Variants in ANK3 observed in about 807,000 individuals in gnomAD.
ANK3 encodes the protein ankyrin-3.
ANK3 carries 57 observed loss-of-function variants against 370.9 expected under a neutral mutation model. That is an observed-to-expected ratio of 0.15 (90% CI 0.12 to 0.19). The LOEUF (loss-of-function observed/expected upper bound fraction) is 0.19. ANK3 is among the 10% of genes least tolerant of loss of function. The pLI is 1.00. For missense variants in ANK3, 4,439 were observed against 5,302.1 expected (o/e 0.84, Z 5.06); for synonymous variants, 1,929 against 1,946.3 (o/e 0.99, Z 0.23).
chr10:60,572,592 C>T (rs1212366571), intron 2 of ANK3: 1 of 1,522,988 alleles, frequency 6.6e-7, no homozygotes, highest in African/African-American at 1.4e-5. Context: ...CATCCAAAAC[C>T]ACGGCAAAGA....
intron 1 of ANK3, among the ~76,000 whole-genome samples, chr10:60,618,257 T>A (rs969625751): frequency 6.6e-6 from 1 of 152,146 alleles, no homozygotes; most frequent in African/African-American, 2.4e-5. Context: ...TTGTCCAAAA[T>A]TTATATATAG....
intron 2 of ANK3, among the ~76,000 whole-genome samples, chr10:60,497,891 T>G (rs189481744): frequency 3.2e-4 from 48 of 152,130 alleles, no homozygotes; most frequent in Middle Eastern, 3.4e-3. Flanking sequence ...CCCACAAAAT[T>G]TCATTTTACC....
intron 1 of ANK3, among the ~76,000 whole-genome samples, chr10:60,325,338 G>T (rs957440432): frequency 1.3e-5 from 2 of 152,158 alleles, no homozygotes; most frequent in Non-Finnish European, 2.9e-5. Flanking sequence ...TCTGCAGTTA[G>T]CAGGAGACAA....
At position 60,071,064 on chromosome 10, in the gene ANK3, AATG is replaced by A. The variant is rs1338811756; in HGVS notation, c.9814_9816del (p.His3272del). The A allele has an allele frequency of 6.2e-7, 1 of 1,614,030 alleles. No individual in the cohort carries two copies. The highest frequency in any genetic ancestry group is 8.5e-7 in the Non-Finnish European group (1 of 1,180,022). ...ATGTCAACCTCTTTTTCTGGGAGAT[AATG>A]ATGCTTCTTATCTGACTCAATCTGG... On this transcript the variant is annotated inframe_deletion, in exon 37 of 44. Transcript: ENST00000280772.
At chr10:60,116,375 T>C (rs758343425) in intron 25 of ANK3, among the ~76,000 whole-genome samples, 1 of 152,058 alleles carries the variant, frequency 6.6e-6, no homozygotes, top group African/African-American at 2.4e-5. Flanking sequence ...CTCTACACCA[T>C]ACAGAGAGCT....
chr10:60,545,441 G>A (rs921891931), intron 2 of ANK3, among the ~76,000 whole-genome samples: 7 of 148,320 alleles, frequency 4.7e-5, no homozygotes, highest in Non-Finnish European at 4.5e-5. Context: ...CTAATCAAAT[G>A]AAAAAAAAAA....
chr10:60,124,638 C>T (rs192504184), intron 25 of ANK3, among the ~76,000 whole-genome samples: 1 of 152,294 alleles, frequency 6.6e-6, no homozygotes, highest in East Asian at 1.9e-4. Context: ...TTTTGCTTTG[C>T]AAAATACTTG....
At chr10:60,628,031 T>C (rs1039337250) in intron 1 of ANK3, among the ~76,000 whole-genome samples, 3 of 152,134 alleles carry the variant, frequency 2.0e-5, no homozygotes, top group Non-Finnish European at 4.4e-5. Flanking sequence ...AGATATCCTG[T>C]GACAGAGAAA....
intron 2 of ANK3, among the ~76,000 whole-genome samples, chr10:60,505,564 G>A (rs1455514962): frequency 1.3e-5 from 2 of 152,050 alleles, no homozygotes; most frequent in Admixed American, 6.6e-5. Flanking sequence ...AGTTCTTCCT[G>A]ATCAAGATTC....
chr10:60,264,414 G>A (rs1425390764), intron 5 of ANK3, among the ~76,000 whole-genome samples: 3 of 152,260 alleles, frequency 2.0e-5, no homozygotes, highest in African/African-American at 7.2e-5. Context: ...GGGAGGCAGA[G>A]GCGGCCAGAT....
At chr10:60,312,587 C>T (rs191840692) in intron 1 of ANK3, among the ~76,000 whole-genome samples, 1 of 152,204 alleles carries the variant, frequency 6.6e-6, no homozygotes, top group East Asian at 1.9e-4. Flanking sequence ...TAGATGGGAC[C>T]TCATAGTCAG....
chr10:60,207,713 T>C (rs1234229110), intron 10 of ANK3, among the ~76,000 whole-genome samples: 1 of 152,212 alleles, frequency 6.6e-6, no homozygotes, highest in Non-Finnish European at 1.5e-5. Flanking sequence ...AGAATAAACT[T>C]TTAATTCACA....
At chr10:60,153,559 G>C (rs1223899582) in intron 23 of ANK3, among the ~76,000 whole-genome samples, 1 of 152,284 alleles carries the variant, frequency 6.6e-6, no homozygotes, top group African/African-American at 2.4e-5. Flanking sequence ...CTATTTTCAA[G>C]GGGTATGTTT....
chr10:60,308,239 G>A (rs981090537), intron 1 of ANK3, among the ~76,000 whole-genome samples: 1 of 147,180 alleles, frequency 6.8e-6, no homozygotes, highest in African/African-American at 2.5e-5. Flanking sequence ...AAGGATAAAA[G>A]AAAAGTTTAG....
At chr10:60,592,097 T>C (rs1196955746) in intron 2 of ANK3, among the ~76,000 whole-genome samples, 2 of 152,166 alleles carry the variant, frequency 1.3e-5, no homozygotes, top group Non-Finnish European at 2.9e-5. Flanking sequence ...TTTGTAACTC[T>C]AAGGATAAAT....
chr10:60,248,156 C>G (rs556047030), intron 7 of ANK3, among the ~76,000 whole-genome samples: 4 of 152,314 alleles, frequency 2.6e-5, no homozygotes, highest in African/African-American at 9.6e-5. Context: ...ACAAATACCT[C>G]TTGAGAACCT....
chr10:60,717,633 T>G (rs777160177), intron 1 of ANK3, among the ~76,000 whole-genome samples: 1 of 152,232 alleles, frequency 6.6e-6, no homozygotes, highest in Non-Finnish European at 1.5e-5. Context: ...TAATAATATT[T>G]ATTATGCCCA....
intron 8 of ANK3, among the ~76,000 whole-genome samples, chr10:60,228,192 A>G (rs534056811): frequency 6.6e-6 from 1 of 152,198 alleles, no homozygotes; most frequent in Non-Finnish European, 1.5e-5. Context: ...CTATGAATAC[A>G]TGAGAGAATT....
In ANK3 at chr10:60,628,428, C is replaced by T. The variant is rs1595362624; in HGVS notation, c.58-13204G>A. Among the ~76,000 whole-genome samples the T allele has an allele frequency of 3.9e-5, 6 of 152,258 alleles. No homozygotes were observed. In the South Asian group the frequency reaches 1.0e-3, roughly 26 times the overall value. On this transcript the variant is annotated intron_variant, in intron 1 of 43. Transcript: ENST00000373827. ...AAGCATTGTTTACTTTTATCTTTTT[C>T]TCTCAAATCCCCCATGATCATCCAG...
Sources: allele counts gnomAD v4.1 joint callset (sites outside exome capture counted in the v4.1 genomes callset), GRCh38; gene constraint gnomAD v4.1.1; transcripts MANE v1.5; gene names NCBI Gene and HGNC (gene_info 2026-07-23, HGNC 2026-07-21).